The following CSMD1 variants were observed in gnomAD, a reference collection of about 807,000 sequenced individuals.
CSMD1 encodes CUB and sushi domain-containing protein 1.
Under a neutral mutation model 417.5 loss-of-function variants are expected in CSMD1, and 213 were observed. The ratio of observed to expected loss-of-function variants is 0.51; its 90% confidence interval spans 0.46 to 0.57. The LOEUF (loss-of-function observed/expected upper bound fraction) is 0.57. Among genes scored for constraint, CSMD1 ranks in the 20% least tolerant of loss-of-function variants. The pLI is 0.00. For synonymous variants in CSMD1, 2,862 were observed against 1,736.8 expected (o/e 1.65, Z -16.11); for missense variants, 6,923 against 4,529.7 (o/e 1.53, Z -15.17).
intron 4 of CSMD1, among the ~76,000 whole-genome samples, chr8:4,021,664 T>G (rs1044681827): frequency 2.0e-5 from 3 of 152,228 alleles, no homozygotes; most frequent in African/African-American, 7.2e-5. Flanking sequence ...TTTTCTCTTT[T>G]GGCGCATACC....
At chr8:3,420,629 A>G (rs1813430834) in intron 12 of CSMD1, among the ~76,000 whole-genome samples, 1 of 152,192 alleles carries the variant, frequency 6.6e-6, no homozygotes, top group African/African-American at 2.4e-5. Flanking sequence ...ATTTGAAAAA[A>G]GAAATCAGTG....
At chr8:3,566,154 G>A (rs1799698329) in intron 10 of CSMD1, among the ~76,000 whole-genome samples, 1 of 151,714 alleles carries the variant, frequency 6.6e-6, no homozygotes, top group Non-Finnish European at 1.5e-5. Flanking sequence ...GAGGAGAGGA[G>A]GCAAACAACA....
intron 1 of CSMD1, among the ~76,000 whole-genome samples, chr8:4,673,218 G>A (rs901338478): frequency 6.6e-6 from 1 of 152,130 alleles, no homozygotes; most frequent in African/African-American, 2.4e-5. Context: ...TAAAATTTAT[G>A]CCAAATGTTT....
intron 3 of CSMD1, among the ~76,000 whole-genome samples, chr8:4,292,559 A>T (rs1402502063): frequency 6.6e-6 from 1 of 152,094 alleles, no homozygotes; most frequent in Non-Finnish European, 1.5e-5. Context: ...GCCCGCCCGA[A>T]TTTTTTAACT....
At chr8:3,429,488 T>G (rs545073886) in intron 12 of CSMD1, among the ~76,000 whole-genome samples, 15 of 152,278 alleles carry the variant, frequency 9.9e-5, no homozygotes, top group African/African-American at 3.6e-4. Context: ...ACCTTCATTC[T>G]TAAACGCCCC....
At chr8:4,308,403 G>A (rs899892783) in intron 3 of CSMD1, among the ~76,000 whole-genome samples, 1 of 149,932 alleles carries the variant, frequency 6.7e-6, no homozygotes, top group Non-Finnish European at 1.5e-5. Flanking sequence ...ATTCGTGCAT[G>A]TGTGTGTGTG....
At chr8:3,798,514 A>G (rs1007472644) in intron 5 of CSMD1, among the ~76,000 whole-genome samples, 6 of 152,110 alleles carry the variant, frequency 3.9e-5, no homozygotes, top group African/African-American at 7.2e-5. Flanking sequence ...GTGAGAAAGA[A>G]GAGGAAAGAC....
intron 2 of CSMD1, among the ~76,000 whole-genome samples, chr8:4,482,684 A>G (rs1801163264): frequency 6.6e-6 from 1 of 152,174 alleles, no homozygotes; most frequent in Non-Finnish European, 1.5e-5. Flanking sequence ...GTCTTCCACA[A>G]TGGCTGAAAT....
intron 8 of CSMD1, among the ~76,000 whole-genome samples, chr8:3,587,992 G>C (rs767429918): frequency 1.3e-5 from 2 of 152,042 alleles, no homozygotes; most frequent in Admixed American, 1.3e-4. Flanking sequence ...AGCCATCACA[G>C]TTATTTAAGA....
chr8:4,152,524 C>CA (rs11460992), intron 3 of CSMD1, among the ~76,000 whole-genome samples: 62,876 of 139,196 alleles, frequency 0.45, 14,061 homozygotes, highest in Admixed American at 0.52. Context: ...CAGAGAGTAC[C>CA]AAAAAAAAAA....
chr8:3,536,696 C>T (rs1002562885), intron 10 of CSMD1, among the ~76,000 whole-genome samples: 1 of 152,030 alleles, frequency 6.6e-6, no homozygotes, highest in East Asian at 1.9e-4. Context: ...GGATCTGTGC[C>T]CTCAGAGCAG....
chr8:4,357,166 T>A (rs753305777), intron 3 of CSMD1, among the ~76,000 whole-genome samples: 1 of 152,138 alleles, frequency 6.6e-6, no homozygotes, highest in African/African-American at 2.4e-5. Flanking sequence ...TAAAATATGG[T>A]ACGCAAATGC....
At chr8:3,608,864 G>T (rs529401962) in intron 8 of CSMD1, among the ~76,000 whole-genome samples, 22 of 152,024 alleles carry the variant, frequency 1.4e-4, no homozygotes, top group Non-Finnish European at 2.8e-4. Context: ...ACCCCTTGCA[G>T]TGATCAATTA....
In CSMD1 at chr8:4,267,117, A is replaced by C. The variant is rs538681022; in HGVS notation, c.415+152836T>G. On this transcript the variant is annotated intron_variant, in intron 3 of 69. Transcript: ENST00000635120. ...TATTTTTTTTTGAAAGTGCTTTCTA[A>C]TGCAATTAGTTGGGAGAATTAAATA... is the stretch of plus-strand genomic sequence containing the variant. Among the ~76,000 whole-genome samples, 4 of 103,946 alleles carry C rather than the reference A, an allele frequency of 3.8e-5. 1 individual carries two copies. Among genetic ancestry groups the C allele is most frequent in the Non-Finnish European group, 1.0e-4 (4 of 38,588 alleles). The allele number at this position is 103,946 out of a possible 152,430, so 68.2% of individuals were successfully genotyped here. A position where few individuals can be genotyped will look rare whatever the true frequency, so the allele number is the denominator to read the frequency against.
chr8:3,265,137 G>A (rs975350700), intron 26 of CSMD1, among the ~76,000 whole-genome samples: 2 of 152,066 alleles, frequency 1.3e-5, no homozygotes, highest in African/African-American at 4.8e-5. Context: ...TTAGAGCAGA[G>A]ATATTAAAAA....
chr8:3,493,784 A>G lies in CSMD1; in HGVS notation c.1345-58T>C. ...CAACAGGTACTTCCCATGACTTTTA[A>G]TAGGTATTGCAAATATCTAGTTATA... On this transcript the variant is annotated intron_variant, in intron 10 of 69. Transcript: ENST00000635120. The G allele has an allele frequency of 2.1e-6, 3 of 1,417,390 alleles. No individual in the cohort carries two copies. In the African/African-American group the frequency reaches 4.2e-5, roughly 20 times the overall value. 87.8% of individuals were successfully genotyped at this position (1,417,390 alleles called of 1,614,324 possible). A position where few individuals can be genotyped will look rare whatever the true frequency, so the allele number is the denominator to read the frequency against.
At chr8:3,142,808 A>C in intron 40 of CSMD1, 134 bp from the exon 41 acceptor site, 1 of 788,606 alleles carries the variant, frequency 1.3e-6, no homozygotes, top group Non-Finnish European at 2.1e-6. Flanking sequence ...GCCGTGGAGG[A>C]CGGCATTCAC....
In CSMD1 at chr8:3,131,399, T is replaced by C. The variant is rs117932677; in HGVS notation, c.6241+11066A>G. Among the ~76,000 whole-genome samples the C allele has an allele frequency of 7.4e-3, 1,120 of 150,342 alleles. 11 individuals carry two copies. The highest frequency in any genetic ancestry group is 9.7e-3 in the Non-Finnish European group (656 of 67,596). On this transcript the variant is annotated intron_variant, in intron 41 of 69. Coordinates refer to ENST00000635120, the MANE Select transcript of CSMD1 (RefSeq NM_033225.6). ...ATAAAATAAAATAAAAAAAGAAATATCTGCACTAAATGAAACAAAGCAATG... is the reference window on the plus strand; with the variant it reads ...ATAAAATAAAATAAAAAAAGAAATACCTGCACTAAATGAAACAAAGCAATG...
chr8:3,349,877 ATC>A lies in CSMD1; in HGVS notation c.3305-1718_3305-1717del, dbSNP rs1436001595. 1.4e-3 allele frequency among the ~76,000 whole-genome samples: 28 copies of A among 19,680 alleles called. No individual in the cohort carries two copies. In the Non-Finnish European group the frequency reaches 0.018, roughly 13 times the overall value. The allele number at this position is 19,680 out of a possible 152,430, so 12.9% of individuals were successfully genotyped here. ...TATATAATTATATAAATATATTTAT[ATC>A]TATATATATATTTATAATATATATT... On this transcript the variant is annotated intron_variant, in intron 21 of 69. Transcript: ENST00000635120.
Sources: allele counts gnomAD v4.1 joint callset (sites outside exome capture counted in the v4.1 genomes callset), GRCh38; gene constraint gnomAD v4.1.1; transcripts MANE v1.5; gene names NCBI Gene and HGNC (gene_info 2026-07-23, HGNC 2026-07-21).